Variants in BABAM2 observed in about 807,000 individuals in gnomAD.
BABAM2 encodes BRISC and BRCA1 A complex member 2.
Under a neutral mutation model 54.7 loss-of-function variants are expected in BABAM2, and 31 were observed. That is an observed-to-expected ratio of 0.57 (90% CI 0.43 to 0.77). The LOEUF (loss-of-function observed/expected upper bound fraction) is 0.77. BABAM2 is among the 30% of genes least tolerant of loss of function. The probability of loss-of-function intolerance (pLI) is 0.00; values close to 1 mark genes in which losing one functional copy is unlikely to be tolerated. For synonymous variants in BABAM2, 167 were observed against 162.9 expected (o/e 1.03, Z -0.19); for missense variants, 364 against 455.8 (o/e 0.80, Z 1.83).
At chr2:28,302,630 C>T (rs1429429545) in intron 11 of BABAM2, among the ~76,000 whole-genome samples, 1 of 152,092 alleles carries the variant, frequency 6.6e-6, no homozygotes, top group Non-Finnish European at 1.5e-5. Context: ...AGTGGGAGTA[C>T]ATATGTGATT....
At chr2:27,945,015 GACAGGGTCTC>G (rs1051964964) in intron 3 of BABAM2, among the ~76,000 whole-genome samples, 25 of 147,904 alleles carry the variant, frequency 1.7e-4, no homozygotes, top group Non-Finnish European at 1.0e-4. Context: ...TTTTTTTAAA[GACAGGGTCTC>G]ACTTTATTAC....
intron 7 of BABAM2, among the ~76,000 whole-genome samples, chr2:28,142,581 T>C (rs1671157700): frequency 6.6e-6 from 1 of 152,180 alleles, no homozygotes; most frequent in Non-Finnish European, 1.5e-5. Flanking sequence ...AAAAGTATGA[T>C]GTCAGATTGG....
intron 10 of BABAM2, among the ~76,000 whole-genome samples, chr2:28,254,157 G>T (rs1319302974): frequency 6.6e-6 from 1 of 152,160 alleles, no homozygotes; most frequent in Non-Finnish European, 1.5e-5. Context: ...GGAGGAGTAG[G>T]AACTGTGGCA....
chr2:28,311,500 G>A (rs573757574), intron 11 of BABAM2, among the ~76,000 whole-genome samples: 9 of 152,282 alleles, frequency 5.9e-5, no homozygotes, highest in African/African-American at 2.2e-4. Context: ...TGCTATTAAT[G>A]GAATCAGAGT....
At chr2:27,945,346 C>A (rs1038517760) in intron 3 of BABAM2, among the ~76,000 whole-genome samples, 6 of 151,932 alleles carry the variant, frequency 3.9e-5, no homozygotes, top group African/African-American at 7.3e-5. Flanking sequence ...TACTTTTGAT[C>A]ATATATTTGT....
chr2:28,116,748 T>G (rs1287603477), intron 6 of BABAM2, among the ~76,000 whole-genome samples: 2 of 152,236 alleles, frequency 1.3e-5, no homozygotes, highest in Non-Finnish European at 2.9e-5. Context: ...ACTAACTTAT[T>G]GAGCACCTTC....
intron 10 of BABAM2, among the ~76,000 whole-genome samples, chr2:28,284,631 T>G (rs1456495572): frequency 6.6e-6 from 1 of 152,202 alleles, no homozygotes; most frequent in Non-Finnish European, 1.5e-5. Context: ...TGATTTTTTA[T>G]TTGCTGGAAG....
intron 11 of BABAM2, among the ~76,000 whole-genome samples, chr2:28,320,845 C>T (rs1258578636): frequency 6.6e-6 from 1 of 152,168 alleles, no homozygotes; most frequent in Admixed American, 6.5e-5. Flanking sequence ...TACTCCTCTC[C>T]AAGCCTGCTC....
chr2:28,070,556 C>CTTTTCTTTTTTTTTTTTT (rs57521666), intron 6 of BABAM2, among the ~76,000 whole-genome samples: 2 of 147,236 alleles, frequency 1.4e-5, no homozygotes, highest in Non-Finnish European at 3.0e-5. Flanking sequence ...CTTTTCTTTT[C>CTTTTCTTTTTTTTTTTTT]TTTTTTTTTT....
chr2:27,901,832 G>T (rs968589281), intron 2 of BABAM2, among the ~76,000 whole-genome samples: 3 of 151,840 alleles, frequency 2.0e-5, no homozygotes, highest in African/African-American at 4.8e-5. Context: ...TTTTCCCCAC[G>T]CCTGTCTTCA....
intron 7 of BABAM2, among the ~76,000 whole-genome samples, chr2:28,147,964 G>A (rs1249077341): frequency 6.6e-6 from 1 of 152,098 alleles, no homozygotes; most frequent in African/African-American, 2.4e-5. Flanking sequence ...CCCCTAATGG[G>A]ATATTATCAC....
chr2:28,054,482 T>G (rs1678241898), intron 6 of BABAM2, among the ~76,000 whole-genome samples: 1 of 152,216 alleles, frequency 6.6e-6, no homozygotes, highest in South Asian at 2.1e-4. Flanking sequence ...CAAATTTATA[T>G]GTTGAAATCC....
At chr2:28,150,937 C>G (rs1405835004) in intron 7 of BABAM2, among the ~76,000 whole-genome samples, 1 of 152,150 alleles carries the variant, frequency 6.6e-6, no homozygotes, top group Non-Finnish European at 1.5e-5. Flanking sequence ...AATGTCCTTG[C>G]CAATGATAGT....
chr2:28,003,224 C>T (rs1005456280), intron 4 of BABAM2, among the ~76,000 whole-genome samples: 2 of 152,190 alleles, frequency 1.3e-5, no homozygotes, highest in African/African-American at 4.8e-5. Context: ...TTGACCATGT[C>T]TGCCATCCTG....
In BABAM2 at chr2:28,045,776, A is replaced by G; in HGVS notation, c.547A>G (p.Asn183Asp). ...TTTGAAGCTGCCCGTAGATTTCAGC[A>G]ATATCCCCACATACCTTCTCAAGGT... is the stretch of plus-strand genomic sequence containing the variant. Reference protein sequence around the residue: ...FLLKLPVDFSNIPTYLLKDVN... With the variant: ...FLLKLPVDFSDIPTYLLKDVN... Residue 183 changes from asparagine (N) to aspartate (D), a missense_variant, in exon 6 of 12, where the codon AAT becomes GAT. Asn to Asp is a conservative substitution (Grantham distance 23, BLOSUM62 1). Transcript: ENST00000379624. 1.2e-6 allele frequency: 2 copies of G among 1,611,730 alleles called. No homozygotes were observed. Among genetic ancestry groups the G allele is most frequent in the Non-Finnish European group, 1.7e-6 (2 of 1,178,408 alleles).
intron 11 of BABAM2, among the ~76,000 whole-genome samples, chr2:28,303,078 C>A (rs1478406629): frequency 1.3e-5 from 2 of 151,936 alleles, no homozygotes; most frequent in Non-Finnish European, 2.9e-5. Context: ...TGGTCTTGAA[C>A]CCTTGGGCTC....
chr2:28,274,080 C>A (rs1360649075), intron 10 of BABAM2, among the ~76,000 whole-genome samples: 9 of 152,222 alleles, frequency 5.9e-5, no homozygotes, highest in Non-Finnish European at 1.2e-4. Flanking sequence ...GTCTGTGGCT[C>A]TTGGGCCTTG....
chr2:28,306,967 A>C (rs1474292514), intron 11 of BABAM2, among the ~76,000 whole-genome samples: 80 of 106,342 alleles, frequency 7.5e-4, no homozygotes, highest in East Asian at 4.1e-3. Flanking sequence ...AAGTGCTGGG[A>C]TTACAGGCAT....
At chr2:27,940,905 C>T (rs1164338777) in intron 3 of BABAM2, among the ~76,000 whole-genome samples, 1 of 152,176 alleles carries the variant, frequency 6.6e-6, no homozygotes, top group Non-Finnish European at 1.5e-5. Flanking sequence ...TCTATTGTCA[C>T]TGTATTCTAA....
Sources: allele counts gnomAD v4.1 joint callset (sites outside exome capture counted in the v4.1 genomes callset), GRCh38; gene constraint gnomAD v4.1.1; transcripts MANE v1.5; gene names NCBI Gene and HGNC (gene_info 2026-07-23, HGNC 2026-07-21).